SHLD1: variants seen among roughly 807,000 people sequenced by gnomAD.
SHLD1 encodes RINN1-REV7-interacting novel NHEJ regulator 3.
In SHLD1, 3 loss-of-function variants were observed where a neutral mutation model predicts 5.5. The observed-to-expected ratio is 0.54, with a 90% CI of 0.25 to 1.40. SHLD1 has a LOEUF of 1.40. Among genes scored for constraint, SHLD1 ranks in the 40% most tolerant of loss-of-function variants. The pLI is 0.15. For missense variants in SHLD1, 210 were observed against 244.4 expected (o/e 0.86, Z 0.94); for synonymous variants, 92 against 94.3 (o/e 0.98, Z 0.14).
At chr20:5,810,779 C>T (rs2087447779) in intron 2 of SHLD1, among the ~76,000 whole-genome samples, 1 of 151,468 alleles carries the variant, frequency 6.6e-6, no homozygotes, top group South Asian at 2.1e-4. Context: ...CCTGTAACTA[C>T]ATCCCAGCTA....
chr20:5,843,295 C>CTTTTTT (rs11473559), intron 2 of SHLD1, among the ~76,000 whole-genome samples: 1 of 141,718 alleles, frequency 7.1e-6, no homozygotes, highest in African/African-American at 2.6e-5. Context: ...TTGTTTTTTT[C>CTTTTTT]TTTTTTTTTT....
chr20:5,808,084 G>A (rs188442898), intron 2 of SHLD1, among the ~76,000 whole-genome samples: 75 of 152,176 alleles, frequency 4.9e-4, no homozygotes, highest in South Asian at 1.5e-3. Flanking sequence ...GTTCGAGACC[G>A]GCTTGGCCAA....
intron 2 of SHLD1, among the ~76,000 whole-genome samples, chr20:5,827,587 T>C (rs960564595): frequency 1.3e-5 from 2 of 151,648 alleles, no homozygotes; most frequent in African/African-American, 4.9e-5. Flanking sequence ...CCTCCTCCCC[T>C]GCCATTCTGC....
intron 2 of SHLD1, among the ~76,000 whole-genome samples, chr20:5,790,124 G>A (rs2087117652): frequency 6.6e-6 from 1 of 152,156 alleles, no homozygotes. Context: ...CTGGGCCAGA[G>A]CCTCCCTCCC....
chr20:5,815,094 G>A (rs2087511840), intron 2 of SHLD1, among the ~76,000 whole-genome samples: 2 of 152,128 alleles, frequency 1.3e-5, no homozygotes, highest in South Asian at 4.1e-4. Context: ...GCGAGACAGC[G>A]GCCCTGGGGG....
chr20:5,786,406 G>A (rs1247479518), intron 2 of SHLD1, among the ~76,000 whole-genome samples: 2 of 152,000 alleles, frequency 1.3e-5, no homozygotes, highest in Admixed American at 6.5e-5. Context: ...GCAAGACCTC[G>A]CCTCTACAAA....
chr20:5,783,775 T>C (rs569381208), intron 2 of SHLD1, among the ~76,000 whole-genome samples: 1 of 152,196 alleles, frequency 6.6e-6, no homozygotes, highest in East Asian at 1.9e-4. Flanking sequence ...GGTCATGAGC[T>C]TGTGGGGCCC....
chr20:5,756,140 C>G lies in SHLD1; in HGVS notation c.-5+5661C>G, dbSNP rs576216828. Among the ~76,000 whole-genome samples the G allele has an allele frequency of 5.9e-5, 9 of 152,110 alleles. No homozygotes were observed. The South Asian group carries it at 1.9e-3, about 32-fold the overall frequency. On this transcript the variant is annotated intron_variant, in intron 1 of 2. Coordinates refer to ENST00000303142, the MANE Select transcript of SHLD1 (RefSeq NM_152504.4). ...GTATAAGGAGGCATCTCTGACCCCC[C>G]TTTCCATCATCGCCTGAACTAGTTT...
intron 2 of SHLD1, chr20:5,773,521 T>G (rs926457811): frequency 4.5e-6 from 1 of 220,470 alleles, no homozygotes; most frequent in Non-Finnish European, 9.0e-6. Context: ...TGCCGAAACA[T>G]CTATTATTTA....
chr20:5,758,389 G>A (rs527932614), intron 1 of SHLD1, among the ~76,000 whole-genome samples: 169 of 148,008 alleles, frequency 1.1e-3, no homozygotes, highest in African/African-American at 4.0e-3. Flanking sequence ...GGAAGGGAAG[G>A]AAGTGAGCTT....
intron 2 of SHLD1, among the ~76,000 whole-genome samples, chr20:5,859,448 C>A (rs1377061333): frequency 6.6e-6 from 1 of 152,170 alleles, no homozygotes; most frequent in East Asian, 1.9e-4. Flanking sequence ...ACGTTGCTAT[C>A]CCCCTTTGAC....
chr20:5,820,607 G>T (rs548809647), intron 2 of SHLD1, among the ~76,000 whole-genome samples: 1 of 152,332 alleles, frequency 6.6e-6, no homozygotes, highest in East Asian at 1.9e-4. Context: ...AGAGTTGTTT[G>T]ACATGAGAAG....
intron 2 of SHLD1, among the ~76,000 whole-genome samples, chr20:5,776,542 C>T (rs1190631484): frequency 1.3e-5 from 2 of 152,038 alleles, no homozygotes; most frequent in African/African-American, 2.4e-5. Flanking sequence ...GCGGGTGCAT[C>T]GCCTGAGGTC....
intron 2 of SHLD1, among the ~76,000 whole-genome samples, chr20:5,844,791 A>ATTT (rs1361285741): frequency 2.0e-5 from 2 of 98,642 alleles, no homozygotes; most frequent in African/African-American, 1.3e-4. Context: ...ATATATATAT[A>ATTT]TATATATATT....
intron 2 of SHLD1, among the ~76,000 whole-genome samples, chr20:5,784,364 G>A (rs761770584): frequency 1.3e-4 from 20 of 151,896 alleles, no homozygotes; most frequent in Non-Finnish European, 2.9e-4. Context: ...TATAACTTTC[G>A]ATATGTACTG....
At chr20:5,764,629 G>T (rs951869244) in intron 1 of SHLD1, among the ~76,000 whole-genome samples, 1 of 151,960 alleles carries the variant, frequency 6.6e-6, no homozygotes, top group African/African-American at 2.4e-5. Context: ...AGCCCAGGAG[G>T]TTGAGGCTGT....
intron 1 of SHLD1, among the ~76,000 whole-genome samples, chr20:5,766,719 T>G (rs1426980460): frequency 2.0e-5 from 3 of 152,174 alleles, no homozygotes; most frequent in African/African-American, 4.8e-5. Flanking sequence ...ACTACTCTTA[T>G]GATTACACTG....
intron 2 of SHLD1, among the ~76,000 whole-genome samples, chr20:5,778,061 G>A (rs1040953762): frequency 6.7e-6 from 1 of 149,116 alleles, no homozygotes; most frequent in East Asian, 2.0e-4. Flanking sequence ...GCTCATGCCT[G>A]TTATCTGGCA....
upstream of SHLD1, among the ~76,000 whole-genome samples, chr20:5,750,227 A>C (rs542059636): frequency 1.2e-3 from 180 of 152,142 alleles, 1 homozygote; most frequent in African/African-American, 4.1e-3. Context: ...AAGCCTCCTC[A>C]GGAAATTGCC....
Sources: allele counts gnomAD v4.1 joint callset (sites outside exome capture counted in the v4.1 genomes callset), GRCh38; gene constraint gnomAD v4.1.1; transcripts MANE v1.5; gene names NCBI Gene and HGNC (gene_info 2026-07-23, HGNC 2026-07-21).